The following PABPC4 variants were observed in gnomAD, a reference collection of about 807,000 sequenced individuals.
PABPC4 encodes poly(A) binding protein cytoplasmic 4, also known as polyadenylate-binding protein 4.
Under a neutral mutation model 74.5 loss-of-function variants are expected in PABPC4, and 15 were observed. The observed-to-expected ratio is 0.20, with a 90% CI of 0.13 to 0.31. The LOEUF is 0.31. PABPC4 is among the 10% of genes least tolerant of loss of function. PABPC4 has a pLI of 1.00. For synonymous variants in PABPC4, 345 were observed against 303.0 expected (o/e 1.14, Z -1.44); for missense variants, 610 against 853.5 (o/e 0.71, Z 3.55).
chr1:39,566,082 A>G (rs1016655098), intron 7 of PABPC4, among the ~76,000 whole-genome samples: 1 of 152,288 alleles, frequency 6.6e-6, no homozygotes, highest in South Asian at 2.1e-4. Flanking sequence ...TTGAGTCCCC[A>G]GGTGATGCTA....
At chr1:39,568,053 C>G (rs566610641) in intron 6 of PABPC4, 25 of 432,124 alleles carry the variant, frequency 5.8e-5, no homozygotes, top group East Asian at 5.2e-4. Context: ...GTCAGGAGAT[C>G]GAGACCATCC....
chr1:39,567,960 T>C, intron 6 of PABPC4, 114 bp from the exon 7 acceptor site: 1 of 642,188 alleles, frequency 1.6e-6, no homozygotes, highest in Non-Finnish European at 2.8e-6. Context: ...GGGAACTTGT[T>C]AGAAATGAAA....
At chr1:39,570,025 A>G (rs1024610497) in intron 3 of PABPC4, 23 bp from the exon 4 acceptor site, 2 of 1,611,326 alleles carry the variant, frequency 1.2e-6, no homozygotes, top group South Asian at 1.1e-5. Flanking sequence ...CATGAAGAAC[A>G]GTAATTACCC....
At chr1:39,561,988 C>T (rs1645775263) in intron 14 of PABPC4, 85 bp downstream of exon 14, 3 of 1,495,372 alleles carry the variant, frequency 2.0e-6, no homozygotes, top group African/African-American at 1.4e-5. Flanking sequence ...GCAGATCCCA[C>T]TTTCTGCTGC....
At position 39,568,053 on chromosome 1, in the gene PABPC4, C is replaced by T. The variant is rs566610641; in HGVS notation, c.877-207G>A. ...CGGGCGAATCACAAGGTCAGGAGAT[C>T]GAGACCATCCTGGCTAACACAGTGA... is the stretch of plus-strand genomic sequence containing the variant. On this transcript the variant is annotated intron_variant, in intron 6 of 15. Transcript: ENST00000372858. The T allele has an allele frequency of 2.0e-4, 87 of 432,240 alleles. 1 individual carries two copies. The highest frequency in any genetic ancestry group is 6.3e-4 in the Middle Eastern group (1 of 1,594). The allele number at this position is 432,240 out of a possible 1,614,324, so 26.8% of individuals were successfully genotyped here. A position where few individuals can be genotyped will look rare whatever the true frequency, so the allele number is the denominator to read the frequency against.
chr1:39,573,298 A>G (rs1175049699), intron 1 of PABPC4: 2 of 152,238 alleles, frequency 1.3e-5, no homozygotes, highest in African/African-American at 2.4e-5. Flanking sequence ...CACACATGGA[A>G]AAGTTCTCTG....
At chr1:39,573,085 G>GT (rs780914684) in intron 1 of PABPC4, 1 of 152,348 alleles carries the variant, frequency 6.6e-6, no homozygotes, top group Non-Finnish European at 1.5e-5. Flanking sequence ...TTTCAGTGAG[G>GT]TATTGCATCA....
intron 12 of PABPC4, 193 bp from the exon 13 acceptor site, chr1:39,562,609 A>G: frequency 2.1e-6 from 1 of 484,838 alleles, no homozygotes; most frequent in South Asian, 4.6e-5. Flanking sequence ...GTATGGACAT[A>G]AACACAACCA....
chr1:39,564,099 G>A (rs1645800674), intron 10 of PABPC4, 177 bp from the exon 11 acceptor site: 1 of 636,048 alleles, frequency 1.6e-6, no homozygotes, highest in Admixed American at 2.8e-5. Flanking sequence ...TGGAATACAA[G>A]ACATATTCTG....
chr1:39,572,330 G>C lies in PABPC4; in HGVS notation c.387+63C>G, dbSNP rs981600046. 2.5e-5 allele frequency: 30 copies of C among 1,212,720 alleles called. No homozygotes were observed. The East Asian group carries it at 7.0e-4, about 28-fold the overall frequency. 75.1% of individuals were successfully genotyped at this position (1,212,720 alleles called of 1,614,324 possible). A position where few individuals can be genotyped will look rare whatever the true frequency, so the allele number is the denominator to read the frequency against. On this transcript the variant is annotated intron_variant, in intron 2 of 15. Transcript: ENST00000372858. ...CAATTCCAAGATAGTTCTCTGTTTGGTATTTATCTTGTTTTCAAGAATCAA... is the reference window on the plus strand; with the variant it reads ...CAATTCCAAGATAGTTCTCTGTTTGCTATTTATCTTGTTTTCAAGAATCAA...
intron 10 of PABPC4, chr1:39,564,171 C>T: frequency 1.6e-6 from 1 of 618,670 alleles, no homozygotes; most frequent in South Asian, 2.0e-5. Context: ...CTGTGGTCAT[C>T]CAGCTAGCAA....
At chr1:39,570,246 C>A (rs1645918911) in intron 3 of PABPC4, among the ~76,000 whole-genome samples, 1 of 152,206 alleles carries the variant, frequency 6.6e-6, no homozygotes, top group Admixed American at 6.5e-5. Context: ...CATCACACTG[C>A]CTTCATGAAG....
In PABPC4 at chr1:39,572,462, C is replaced by T. The variant is rs1243667540; in HGVS notation, c.318G>A (p.Leu106=). The change falls in exon 2 of 16, where the codon CTG becomes CTA. Residue 106 remains leucine, a synonymous_variant. Transcript: ENST00000372858. Reference sequence around the variant, plus strand: ...GTGCCTTGTTATCTATAGATTTGTCCAGGTTCTTGATGAAGACGTTTCCCA... The same window carrying T: ...GTGCCTTGTTATCTATAGATTTGTCTAGGTTCTTGATGAAGACGTTTCCCA... ...SGVGNVFIKN[L]DKSIDNKALY... 6.2e-7 allele frequency: 1 copy of T among 1,613,958 alleles called. No homozygotes were observed. Among genetic ancestry groups the T allele is most frequent in the African/African-American group, 1.3e-5 (1 of 74,996 alleles).
intron 7 of PABPC4, among the ~76,000 whole-genome samples, chr1:39,565,588 G>C (rs964988941): frequency 6.6e-5 from 10 of 152,106 alleles, no homozygotes; most frequent in African/African-American, 2.4e-4. Context: ...CCAGCACTTT[G>C]GGAGGCCGAG....
rs994109948 is a variant in PABPC4 at position 39,564,459 on chromosome 1, C to T, written c.1417G>A (p.Ala473Thr). ...GTGGTAGTAGGGAGGCCACGAGAGG[C>T]CGGAGCATTACCAGTTGGAGCCAGA... The part of the protein sequence containing the change: ...RHLAPTGNAP[A>T]SRGLPTTTQR... The change falls in exon 10 of 16, where the codon GCC becomes ACC. Residue 473 changes from alanine (A) to threonine (T), a missense_variant. By Grantham distance (58) the Ala-to-Thr change is moderately conservative (BLOSUM62 0). Transcript: ENST00000372858. 1 of 1,614,188 alleles carries T rather than the reference C, an allele frequency of 6.2e-7. No homozygotes were observed. Among genetic ancestry groups the T allele is most frequent in the Non-Finnish European group, 8.5e-7 (1 of 1,180,044 alleles).
At chr1:39,574,042 A>T (rs1482724242) in intron 1 of PABPC4, among the ~76,000 whole-genome samples, 3 of 152,098 alleles carry the variant, frequency 2.0e-5, no homozygotes, top group Admixed American at 6.5e-5. Flanking sequence ...TCAGGACAAC[A>T]TCTCACTTAA....
chr1:39,573,292 C>G lies in PABPC4; in HGVS notation c.194-706G>C, dbSNP rs547018656. On this transcript the variant is annotated intron_variant, in intron 1 of 15. Transcript: ENST00000372858. ...ATCAAAATGGACACAACTGATCACA[C>G]ATGGAAAAGTTCTCTGTACTATCAC... 6 of 152,300 alleles carry G rather than the reference C, an allele frequency of 3.9e-5. No homozygotes were observed. In the East Asian group the frequency reaches 1.2e-3, roughly 29 times the overall value. 9.4% of individuals were successfully genotyped at this position (152,300 alleles called of 1,614,324 possible).
chr1:39,564,670 G>A lies in PABPC4; in HGVS notation c.1333+16C>T, dbSNP rs375399915. The A allele has an allele frequency of 8.7e-6, 14 of 1,612,964 alleles. No homozygotes were observed. The highest frequency in any genetic ancestry group is 1.1e-5 in the Non-Finnish European group (13 of 1,178,976). On this transcript the variant is annotated intron_variant, in intron 9 of 15. Coordinates refer to ENST00000372858, the MANE Select transcript of PABPC4 (RefSeq NM_001135653.2). The stretch of plus-strand genomic sequence containing the variant: ...GGTATATCCTGGGCTGTCAATTACT[G>A]TTCCCCACCACCTACCTTGAGGTCT...
At chr1:39,572,003 G>A (rs748300784) in intron 2 of PABPC4, among the ~76,000 whole-genome samples, 4 of 152,164 alleles carry the variant, frequency 2.6e-5, no homozygotes, top group South Asian at 4.1e-4. Flanking sequence ...CACCACCACC[G>A]TTTAAGTTTT....
Sources: gnomAD v4.1 joint callset for allele counts (sites outside exome capture counted in the v4.1 genomes callset) on GRCh38, gnomAD v4.1.1 for gene constraint, MANE v1.5 for transcripts, NCBI Gene and HGNC (gene_info 2026-07-23, HGNC 2026-07-21) for gene names.